The following SNAP47 variants were observed in gnomAD, a reference collection of about 807,000 sequenced individuals.
SNAP47 encodes the protein synaptosomal-associated protein 47.
In SNAP47, 20 loss-of-function variants were observed where a neutral mutation model predicts 31.4. The observed-to-expected ratio is 0.64, with a 90% CI of 0.45 to 0.93. SNAP47 has a LOEUF of 0.93. Among genes scored for constraint, SNAP47 ranks in the 40% least tolerant of loss-of-function variants. SNAP47 has a pLI of 0.00. For synonymous variants in SNAP47, 194 were observed against 213.4 expected (o/e 0.91, Z 0.79); for missense variants, 492 against 528.5 (o/e 0.93, Z 0.68).
intron 4 of SNAP47, chr1:227,768,202 G>T: frequency 1.2e-6 from 1 of 845,680 alleles, no homozygotes; most frequent in Non-Finnish European, 1.4e-6. Context: ...GGTATGTGGC[G>T]CACATGCAGT....
chr1:227,732,593 G>T, upstream of SNAP47: 1 of 1,613,464 alleles, frequency 6.2e-7, no homozygotes, highest in Non-Finnish European at 8.5e-7. Context: ...CCTCCCTCAG[G>T]ACCAGGAGCC....
In SNAP47 at chr1:227,747,891, G is replaced by T; in HGVS notation, c.155G>T (p.Ser52Ile). The change falls in exon 2 of 5, where the codon AGC becomes ATC. Residue 52 changes from serine (S) to isoleucine (I), a missense_variant. Ser to Ile is a moderately radical substitution (Grantham distance 142). Transcript: ENST00000617596. Reference sequence around the variant, plus strand: ...ATTCTGGTCAGCTTCCCCCTCTCCAGCATAGTTGAGATCAAGAAGGAGGCT... The same window carrying T: ...ATTCTGGTCAGCTTCCCCCTCTCCATCATAGTTGAGATCAAGAAGGAGGCT... ...GEILVSFPLS[S>I]IVEIKKEASH... is the part of the protein sequence containing the mutation. The T allele has an allele frequency of 6.2e-7, 1 of 1,614,196 alleles. No homozygotes were observed. The highest frequency in any genetic ancestry group is 8.5e-7 in the Non-Finnish European group (1 of 1,180,028).
Position 227,741,693 on chromosome 1 carries a change from G to A in SNAP47, c.-45-5999G>A, listed in dbSNP as rs1319760324. Among the ~76,000 whole-genome samples, 10 of 152,122 alleles carry A rather than the reference G, an allele frequency of 6.6e-5. No individual in the cohort carries two copies. The highest frequency in any genetic ancestry group is 1.2e-4 in the Non-Finnish European group (8 of 68,024). On this transcript the variant is annotated intron_variant, in intron 1 of 4. Transcript: ENST00000617596. This position sits in a 1 kb window ranked among gnomAD's most constrained non-coding sequence, Gnocchi z 4.2. ...TGAAAAGGGACCACGTTCTCCTGTG[G>A]CCTCTGTGTGGGGCCAGGCGTGTCG... is the stretch of plus-strand genomic sequence containing the variant.
At chr1:227,734,722 C>T, upstream of SNAP47, 1 of 1,614,138 alleles carries the variant, frequency 6.2e-7, no homozygotes. Context: ...TGTACTCTTT[C>T]CAGTAGGTGA....
At chr1:227,769,898 G>A (rs1430781508) in intron 4 of SNAP47, among the ~76,000 whole-genome samples, 4 of 152,224 alleles carry the variant, frequency 2.6e-5, no homozygotes, top group Admixed American at 6.5e-5. Context: ...AGCCTCATCT[G>A]TCTTGTCCTG....
intron 1 of SNAP47, 87 bp from the exon 2 acceptor site, chr1:227,747,605 G>A: frequency 7.2e-7 from 1 of 1,391,162 alleles, no homozygotes; most frequent in South Asian, 1.4e-5. Context: ...TGAGCCCAGA[G>A]CCGCAGGGGA....
chr1:227,762,079 C>T lies in SNAP47; in HGVS notation c.988+2594C>T, dbSNP rs956910459. ...CACCGTCTTTTCACTTGCACAGCTG[C>T]ACCCGGCCCGTGGTGTTTTGAGTAC... On this transcript the variant is annotated intron_variant, in intron 3 of 4. Transcript: ENST00000617596. This position sits in a 1 kb window ranked among gnomAD's most constrained non-coding sequence, Gnocchi z 4.2. Among the ~76,000 whole-genome samples, 2 of 152,248 alleles carry T rather than the reference C, an allele frequency of 1.3e-5. No individual in the cohort carries two copies. Among genetic ancestry groups the T allele is most frequent in the Non-Finnish European group, 2.9e-5 (2 of 68,032 alleles).
At chr1:227,752,364 C>G (rs1401325075) in intron 2 of SNAP47, among the ~76,000 whole-genome samples, 4 of 152,114 alleles carry the variant, frequency 2.6e-5, no homozygotes, top group Admixed American at 2.0e-4. Context: ...AGAGCTCATT[C>G]ATCCCGTAAC....
rs1392431772 is a variant in SNAP47 at position 227,780,845 on chromosome 1, A to G, written c.*172A>G. 1 of 852,482 alleles carries G rather than the reference A, an allele frequency of 1.2e-6. No individual in the cohort carries two copies. Among genetic ancestry groups the G allele is most frequent in the African/African-American group, 1.7e-5 (1 of 58,390 alleles). 52.8% of individuals were successfully genotyped at this position (852,482 alleles called of 1,614,324 possible). On this transcript the variant is annotated 3_prime_UTR_variant, in exon 5 of 5. Coordinates refer to ENST00000617596, the MANE Select transcript of SNAP47 (RefSeq NM_053052.4). ...CCAGGGGCCTCCCCAGGTGTGCACC[A>G]TGCCTGCCTCCCACTTGGCTGTCCC...
chr1:227,736,402 C>A (rs1003190628), intron 1 of SNAP47: 4 of 151,658 alleles, frequency 2.6e-5, no homozygotes, highest in African/African-American at 9.7e-5. Flanking sequence ...ACTGGAGTTA[C>A]CCCAAAAGTG....
rs1314927502 is a variant in SNAP47 at position 227,763,373 on chromosome 1, C to T, written c.989-3586C>T. Among the ~76,000 whole-genome samples the T allele has an allele frequency of 6.6e-6, 1 of 152,248 alleles. No individual in the cohort carries two copies. The highest frequency in any genetic ancestry group is 2.4e-5 in the African/African-American group (1 of 41,466). On this transcript the variant is annotated intron_variant, in intron 3 of 4. Transcript: ENST00000617596. The surrounding 1 kb of genome is among the most constrained non-coding windows in gnomAD (Gnocchi z 4.2). ...CCTGATGACAGCCTTGCCTGTACCTCTGCTTCCCCGGGCCGTGTGTCTGTC... is the reference window on the plus strand; with the variant it reads ...CCTGATGACAGCCTTGCCTGTACCTTTGCTTCCCCGGGCCGTGTGTCTGTC...
At chr1:227,773,509 T>C (rs931907249) in intron 4 of SNAP47, among the ~76,000 whole-genome samples, 5 of 152,314 alleles carry the variant, frequency 3.3e-5, no homozygotes, top group Non-Finnish European at 7.4e-5. Flanking sequence ...GGAGCCTTAG[T>C]GCGCAGTGTT....
intron 2 of SNAP47, among the ~76,000 whole-genome samples, chr1:227,755,063 C>G (rs1197382832): frequency 1.3e-5 from 2 of 152,180 alleles, no homozygotes; most frequent in Non-Finnish European, 2.9e-5. Flanking sequence ...TCATTATGCC[C>G]TCCTCCTCCT....
In SNAP47 at chr1:227,747,876, G is replaced by A. The variant is rs752146412; in HGVS notation, c.140G>A (p.Ser47Asn). The A allele has an allele frequency of 1.2e-6, 2 of 1,614,176 alleles. No individual in the cohort carries two copies. Among genetic ancestry groups the A allele is most frequent in the Non-Finnish European group, 1.7e-6 (2 of 1,180,024 alleles). The change falls in exon 2 of 5, where the codon AGC (serine) becomes AAC (asparagine). Residue 47 changes from serine to asparagine, a missense_variant. By Grantham distance (46) the Ser-to-Asn change is conservative. Coordinates refer to ENST00000617596, the MANE Select transcript of SNAP47 (RefSeq NM_053052.4). ...MTDSTGEILVSFPLSSIVEIK... is the reference protein window; with the variant it reads ...MTDSTGEILVNFPLSSIVEIK... ...GACAGCACTGGAGAGATTCTGGTCA[G>A]CTTCCCCCTCTCCAGCATAGTTGAG...
At chr1:227,751,995 G>A (rs1339083565) in intron 2 of SNAP47, among the ~76,000 whole-genome samples, 1 of 152,060 alleles carries the variant, frequency 6.6e-6, no homozygotes, top group Non-Finnish European at 1.5e-5. Flanking sequence ...TCAATCTCCT[G>A]ACCTCGTGAT....
At chr1:227,750,221 G>C (rs1005109808) in intron 2 of SNAP47, among the ~76,000 whole-genome samples, 5 of 152,240 alleles carry the variant, frequency 3.3e-5, no homozygotes, top group African/African-American at 9.6e-5. Context: ...GATGGCAGGT[G>C]TGTGTTTTGC....
chr1:227,779,744 C>G (rs1664354473), intron 4 of SNAP47, among the ~76,000 whole-genome samples: 2 of 152,264 alleles, frequency 1.3e-5, no homozygotes, highest in South Asian at 4.1e-4. Flanking sequence ...CCTCATAGAA[C>G]ACAGCTCATT....
intron 1 of SNAP47, among the ~76,000 whole-genome samples, chr1:227,740,372 TC>T (rs1172283024): frequency 6.6e-6 from 1 of 152,182 alleles, no homozygotes; most frequent in African/African-American, 2.4e-5. Flanking sequence ...CTAATTCTGT[TC>T]AATGACTATC....
intron 1 of SNAP47, among the ~76,000 whole-genome samples, chr1:227,742,585 C>A (rs1358911911): frequency 6.6e-6 from 1 of 152,232 alleles, no homozygotes; most frequent in Non-Finnish European, 1.5e-5. Context: ...GAAATACCTC[C>A]CAACCATGCC....
Sources: allele counts gnomAD v4.1 joint callset (sites outside exome capture counted in the v4.1 genomes callset), GRCh38; gene constraint gnomAD v4.1.1; non-coding constraint Gnocchi (gnomAD v3.1); transcripts MANE v1.5; gene names NCBI Gene and HGNC (gene_info 2026-07-23, HGNC 2026-07-21).